ACSL4: variants seen among roughly 807,000 people sequenced by gnomAD.
ACSL4 encodes acyl-CoA synthetase long chain family member 4.
ACSL4 carries 9 observed loss-of-function variants against 49.1 expected under a neutral mutation model. The observed-to-expected ratio is 0.18, with a 90% CI of 0.11 to 0.32. The LOEUF is 0.32. Ranked by LOEUF, ACSL4 falls within the 10% of genes least tolerant of loss-of-function variation. ACSL4 has a pLI of 1.00. For synonymous variants in ACSL4, 191 were observed against 170.3 expected (o/e 1.12, Z -0.95); for missense variants, 333 against 493.7 (o/e 0.67, Z 3.08).
chrX:109,643,385 T>C lies in ACSL4; in HGVS notation c.*644A>G, dbSNP rs1482988851. On this transcript the variant is annotated 3_prime_UTR_variant, in exon 16 of 16. Transcript: ENST00000672401. ...TCCCTTTAAATATATTACTAGATATTTTTTGGTGTTGTATATGTTGTTCTA... is the reference window on the plus strand; with the variant it reads ...TCCCTTTAAATATATTACTAGATATCTTTTGGTGTTGTATATGTTGTTCTA... 8.9e-6 allele frequency: 1 copy of C among 112,121 alleles called. No individual in the cohort carries two copies. The highest frequency in any genetic ancestry group is 1.9e-5 in the Non-Finnish European group (1 of 53,158). 9.2% of individuals were successfully genotyped at this position (112,121 alleles called of 1,213,427 possible).
chrX:109,710,787 T>A (rs2147516208), intron 1 of ACSL4, among the ~76,000 whole-genome samples: 1 of 112,377 alleles, frequency 8.9e-6, no homozygotes, highest in South Asian at 3.7e-4. Flanking sequence ...CATAGCTCAC[T>A]GCTGCCTTGA....
intron 15 of ACSL4, among the ~76,000 whole-genome samples, chrX:109,647,293 T>C (rs753980928): frequency 2.7e-5 from 3 of 111,582 alleles, no homozygotes; most frequent in South Asian, 7.5e-4. Flanking sequence ...CCTCAGCAAA[T>C]GTAAAAGAAC....
chrX:109,678,506 T>C, intron 6 of ACSL4, 91 bp from the exon 7 acceptor site: 1 of 1,056,935 alleles, frequency 9.5e-7, no homozygotes, highest in Non-Finnish European at 1.3e-6. Context: ...TGCATAACGA[T>C]AAGCTATCAA....
chrX:109,657,032 T>C (rs1275765334), intron 15 of ACSL4, among the ~76,000 whole-genome samples: 2 of 110,806 alleles, frequency 1.8e-5, no homozygotes, highest in Non-Finnish European at 3.8e-5. Flanking sequence ...GCTGGTGTTA[T>C]CCAGAGACCC....
At chrX:109,714,037 A>C (rs1926943604) in intron 1 of ACSL4, among the ~76,000 whole-genome samples, 1 of 112,205 alleles carries the variant, frequency 8.9e-6, no homozygotes, top group South Asian at 3.7e-4. Context: ...CTCTTATAGG[A>C]GATGACAACT....
At chrX:109,706,401 A>C (rs887230782) in intron 1 of ACSL4, among the ~76,000 whole-genome samples, 2 of 112,486 alleles carry the variant, frequency 1.8e-5, no homozygotes, top group African/African-American at 6.5e-5. Context: ...ATGAAAAAAC[A>C]ACAAGAATGC....
chrX:109,683,905 T>G (rs1924385806), intron 2 of ACSL4, among the ~76,000 whole-genome samples: 1 of 112,001 alleles, frequency 8.9e-6, no homozygotes, highest in Non-Finnish European at 1.9e-5. Context: ...TGAATTTATT[T>G]TTTTCTAGGT....
chrX:109,703,466 T>TA (rs200677644), intron 1 of ACSL4, among the ~76,000 whole-genome samples: 1,315 of 111,718 alleles, frequency 0.012, 15 homozygotes, highest in African/African-American at 0.029. Context: ...TTATTTTTTT[T>TA]AAAAAAGTAA....
chrX:109,648,732 A>G (rs932366345), intron 15 of ACSL4, among the ~76,000 whole-genome samples: 1 of 105,546 alleles, frequency 9.5e-6, no homozygotes, highest in African/African-American at 3.4e-5. Flanking sequence ...AGGAAGTCAA[A>G]TTGTCCCTGT....
rs762578117 is a variant in ACSL4 at position 109,719,837 on chromosome X, T to C, written c.-66+13302A>G. Among the ~76,000 whole-genome samples, 51 of 109,823 alleles carry C rather than the reference T, an allele frequency of 4.6e-4. No homozygotes were observed. The East Asian group carries it at 0.014, about 31-fold the overall frequency. On this transcript the variant is annotated intron_variant, in intron 1 of 15. Coordinates refer to ENST00000672401, the MANE Select transcript of ACSL4 (RefSeq NM_001318510.2). ...GGAGAAACCCTGTCTCTACTAAAAA[T>C]AGAAAATTAGCCAGGCATGACGGCT...
At chrX:109,667,214 A>T (rs1338038000) in intron 11 of ACSL4, among the ~76,000 whole-genome samples, 1 of 112,427 alleles carries the variant, frequency 8.9e-6, no homozygotes, top group Non-Finnish European at 1.9e-5. Context: ...CCTATACCCC[A>T]GTGTTTCTCA....
intron 4 of ACSL4, among the ~76,000 whole-genome samples, chrX:109,682,085 G>A (rs1924207260): frequency 1.8e-5 from 2 of 112,047 alleles, no homozygotes; most frequent in Non-Finnish European, 3.8e-5. Flanking sequence ...TGGGTACATA[G>A]GGGATCATTT....
intron 15 of ACSL4, among the ~76,000 whole-genome samples, chrX:109,656,419 G>A (rs978446899): frequency 9.0e-6 from 1 of 111,019 alleles, no homozygotes; most frequent in African/African-American, 3.3e-5. Context: ...GGTGTAAAAT[G>A]CAAATTGTAC....
intron 15 of ACSL4, among the ~76,000 whole-genome samples, chrX:109,653,500 G>A (rs1431072654): frequency 9.0e-6 from 1 of 111,371 alleles, no homozygotes; most frequent in Non-Finnish European, 1.9e-5. Context: ...AAAGACACAT[G>A]CACACGTATG....
intron 15 of ACSL4, among the ~76,000 whole-genome samples, chrX:109,646,438 G>A (rs1934704465): frequency 2.7e-5 from 3 of 109,982 alleles, no homozygotes; most frequent in East Asian, 5.7e-4. Flanking sequence ...ATAAGTGAAG[G>A]AGAAATAAAA....
chrX:109,689,430 T>C lies in ACSL4; in HGVS notation c.-12-6055A>G, dbSNP rs188961133. On this transcript the variant is annotated intron_variant, in intron 2 of 15. Coordinates refer to ENST00000672401, the MANE Select transcript of ACSL4 (RefSeq NM_001318510.2). The stretch of plus-strand genomic sequence containing the variant: ...CTCTGCTCAAAATCTTTCAAAGAAT[T>C]CCCATATGACTCACCCAGAATATAA... Among the ~76,000 whole-genome samples, 37 of 111,864 alleles carry C rather than the reference T, an allele frequency of 3.3e-4. 2 individuals are homozygous for C. The East Asian group carries it at 7.3e-3, about 22-fold the overall frequency.
intron 1 of ACSL4, among the ~76,000 whole-genome samples, chrX:109,700,126 T>A (rs1177175647): frequency 9.8e-6 from 1 of 101,621 alleles, no homozygotes; most frequent in African/African-American, 3.7e-5. Context: ...GAGAACTACT[T>A]GAACCCGGGA....
chrX:109,713,555 A>G (rs1192968334), intron 1 of ACSL4, among the ~76,000 whole-genome samples: 2 of 111,073 alleles, frequency 1.8e-5, no homozygotes, highest in African/African-American at 3.3e-5. Flanking sequence ...AAAATTGCCA[A>G]TAGTAAAAAA....
At chrX:109,712,260 G>A (rs781103501) in intron 1 of ACSL4, among the ~76,000 whole-genome samples, 1 of 111,407 alleles carries the variant, frequency 9.0e-6, no homozygotes, top group South Asian at 3.8e-4. Flanking sequence ...CATCATGCCT[G>A]GTTCATTTTT....
Sources: allele counts gnomAD v4.1 joint callset (sites outside exome capture counted in the v4.1 genomes callset), GRCh38; gene constraint gnomAD v4.1.1; transcripts MANE v1.5; gene names NCBI Gene and HGNC (gene_info 2026-07-23, HGNC 2026-07-21).